Variants in FSTL4 observed in about 807,000 individuals in gnomAD.
FSTL4 encodes the protein follistatin-related protein 4.
A neutral mutation model predicts 78.2 loss-of-function variants in FSTL4; 28 were observed. The ratio of observed to expected loss-of-function variants is 0.36; its 90% confidence interval spans 0.27 to 0.49. The LOEUF (loss-of-function observed/expected upper bound fraction) is 0.49. Among genes scored for constraint, FSTL4 ranks in the 20% least tolerant of loss-of-function variants. The pLI, the probability that FSTL4 is intolerant of heterozygous loss-of-function variation, is 0.98. For synonymous variants in FSTL4, 422 were observed against 440.5 expected (o/e 0.96, Z 0.53); for missense variants, 922 against 1,084.9 (o/e 0.85, Z 2.11).
chr5:133,238,972 G>C (rs1425238179), intron 7 of FSTL4, among the ~76,000 whole-genome samples: 1 of 152,228 alleles, frequency 6.6e-6, no homozygotes, highest in African/African-American at 2.4e-5. Flanking sequence ...GGCTCCCTCA[G>C]CTTGCCGGGA....
chr5:133,229,735 C>T (rs1479188968), intron 8 of FSTL4, among the ~76,000 whole-genome samples: 3 of 152,062 alleles, frequency 2.0e-5, no homozygotes, highest in Non-Finnish European at 4.4e-5. Flanking sequence ...AGTGTGGCAC[C>T]GCCTTAATGA....
chr5:133,737,606 T>A, the FSTL4 span, among the ~76,000 whole-genome samples: 1 of 146,418 alleles, frequency 6.8e-6, no homozygotes, highest in South Asian at 2.3e-4. Flanking sequence ...GATTTCCTTT[T>A]TTTTTTTTTT....
At chr5:133,785,672 A>G in the FSTL4 span, among the ~76,000 whole-genome samples, 1 of 152,208 alleles carries the variant, frequency 6.6e-6, no homozygotes, top group Non-Finnish European at 1.5e-5. Context: ...CCAGGTTCAG[A>G]TGAGAAACAC....
At chr5:133,648,992 C>A in the FSTL4 span, among the ~76,000 whole-genome samples, 1 of 152,172 alleles carries the variant, frequency 6.6e-6, no homozygotes, top group African/African-American at 2.4e-5. Context: ...AGTAGTTTCA[C>A]TGCCCCAAAA....
chr5:133,382,541 G>C (rs1755597553), intron 4 of FSTL4, among the ~76,000 whole-genome samples: 1 of 152,150 alleles, frequency 6.6e-6, no homozygotes. Flanking sequence ...TCCAGACTGT[G>C]ATTGTTTGGA....
chr5:133,205,855 G>A (rs886214670), intron 14 of FSTL4, among the ~76,000 whole-genome samples: 2 of 152,160 alleles, frequency 1.3e-5, no homozygotes, highest in Non-Finnish European at 2.9e-5. Flanking sequence ...AAGCCAGAAT[G>A]TCTTAAAAAA....
chr5:133,300,509 C>G (rs1420163530), intron 6 of FSTL4, among the ~76,000 whole-genome samples: 1 of 152,194 alleles, frequency 6.6e-6, no homozygotes, highest in Admixed American at 6.5e-5. Context: ...TGGCCTGGTA[C>G]AGTTGGCCTG....
intron 3 of FSTL4, among the ~76,000 whole-genome samples, chr5:133,415,669 C>T (rs1211985234): frequency 2.6e-5 from 4 of 152,128 alleles, no homozygotes; most frequent in South Asian, 2.1e-4. Flanking sequence ...TGTCGGTCTC[C>T]GGTAGCAGCT....
chr5:133,740,587 C>T, the FSTL4 span, among the ~76,000 whole-genome samples: 1 of 152,160 alleles, frequency 6.6e-6, no homozygotes, highest in African/African-American at 2.4e-5. Flanking sequence ...TTGATTGGTG[C>T]TCTGTAATCA....
chr5:133,706,444 T>C, the FSTL4 span, among the ~76,000 whole-genome samples: 1 of 152,192 alleles, frequency 6.6e-6, no homozygotes, highest in African/African-American at 2.4e-5. Context: ...CAGAGTTGCT[T>C]AACTAGAATT....
At chr5:133,518,992 A>T (rs77867987) in intron 3 of FSTL4, among the ~76,000 whole-genome samples, 6,184 of 152,298 alleles carry the variant, frequency 0.041, 274 homozygotes, top group African/African-American at 0.12. Flanking sequence ...CCAGTGAAAG[A>T]AGAAAGACTA....
chr5:133,284,551 C>T (rs527555210), intron 6 of FSTL4, among the ~76,000 whole-genome samples: 2 of 152,208 alleles, frequency 1.3e-5, no homozygotes, highest in Non-Finnish European at 2.9e-5. Flanking sequence ...TGCCATTATC[C>T]TCTTCCTCTT....
intron 4 of FSTL4, among the ~76,000 whole-genome samples, chr5:133,357,550 C>A (rs1284779473): frequency 6.6e-6 from 1 of 152,158 alleles, no homozygotes; most frequent in Non-Finnish European, 1.5e-5. Context: ...CTGATTTCAG[C>A]TAAGGCTTAA....
chr5:133,245,577 C>G (rs965997070), intron 7 of FSTL4, among the ~76,000 whole-genome samples: 1 of 152,228 alleles, frequency 6.6e-6, no homozygotes, highest in Non-Finnish European at 1.5e-5. Context: ...CTCTTGCCCC[C>G]AGAACAGTTG....
At chr5:133,380,815 C>T (rs1755550192) in intron 4 of FSTL4, among the ~76,000 whole-genome samples, 1 of 148,716 alleles carries the variant, frequency 6.7e-6, no homozygotes, top group Non-Finnish European at 1.5e-5. Context: ...AAATATATAT[C>T]ATATATATAT....
At chr5:133,688,915 C>G in the FSTL4 span, among the ~76,000 whole-genome samples, 1 of 152,194 alleles carries the variant, frequency 6.6e-6, no homozygotes, top group African/African-American at 2.4e-5. Context: ...GAAACAAAGT[C>G]CTGTAGCCTC....
At chr5:133,296,929 G>C (rs917513017) in intron 6 of FSTL4, among the ~76,000 whole-genome samples, 2 of 152,178 alleles carry the variant, frequency 1.3e-5, no homozygotes, top group Non-Finnish European at 2.9e-5. Flanking sequence ...CTGCAGGCCT[G>C]CCTTGGGGGC....
At chr5:133,517,441 A>ATATATATATATATATATATAT (rs1241999793) in intron 3 of FSTL4, among the ~76,000 whole-genome samples, 3 of 30,118 alleles carry the variant, frequency 1.0e-4, no homozygotes, top group African/African-American at 4.8e-4. Flanking sequence ...AAAAAAAAAA[A>ATATATATATATATATATATAT]AAAAAAATAT....
chr5:133,756,548 C>T, the FSTL4 span, among the ~76,000 whole-genome samples: 261 of 152,160 alleles, frequency 1.7e-3, no homozygotes, highest in African/African-American at 5.9e-3. Flanking sequence ...GGTTTCCTTC[C>T]CCCAGTTCCA....
Sources: gnomAD v4.1 joint callset for allele counts (sites outside exome capture counted in the v4.1 genomes callset) on GRCh38, gnomAD v4.1.1 for gene constraint, MANE v1.5 for transcripts, NCBI Gene and HGNC (gene_info 2026-07-23, HGNC 2026-07-21) for gene names.